ZAP70: variants seen among roughly 807,000 people sequenced by gnomAD.
ZAP70 encodes the protein tyrosine-protein kinase ZAP-70.
Under a neutral mutation model 65.8 loss-of-function variants are expected in ZAP70, and 27 were observed. The ratio of observed to expected loss-of-function variants is 0.41; its 90% confidence interval spans 0.30 to 0.57. The LOEUF (loss-of-function observed/expected upper bound fraction) is 0.57. Among genes scored for constraint, ZAP70 ranks in the 20% least tolerant of loss-of-function variants. The pLI is 0.28. For missense variants in ZAP70, 696 were observed against 870.5 expected (o/e 0.80, Z 2.52); for synonymous variants, 363 against 360.8 (o/e 1.01, Z -0.07).
In ZAP70 at chr2:97,735,287, G is replaced by A. The variant is rs1178844697; in HGVS notation, c.1120G>A (p.Gly374Ser). 6.2e-6 allele frequency: 10 copies of A among 1,614,092 alleles called. No individual in the cohort carries two copies. The highest frequency in any genetic ancestry group is 1.7e-5 in the Admixed American group (1 of 60,038). Residue 374 changes from glycine (G) to serine (S), a missense_variant, in exon 10 of 14, where the codon GGC (glycine) becomes AGC (serine). By Grantham distance (56) the Gly-to-Ser change is moderately conservative. Around this residue, in one of 3 missense-constraint regions of ZAP70, gnomAD observed 551 missense variants for 630.0 expected, o/e 0.87. Transcript: ENST00000264972. ...IDVAIKVLKQ[G>S]TEKADTEEMM... ...CGTGGCCATCAAGGTGCTGAAGCAG[G>A]GCACGGAGAAGGCAGACACGGAAGA...
At chr2:97,723,714 C>A (rs771505854) in intron 2 of ZAP70, among the ~76,000 whole-genome samples, 73 of 152,252 alleles carry the variant, frequency 4.8e-4, no homozygotes, top group African/African-American at 1.7e-3. Flanking sequence ...AATAATTCAG[C>A]ACGTGGTTGG....
intron 4 of ZAP70, 36 bp from the exon 5 acceptor site, chr2:97,732,847 G>T: frequency 6.2e-7 from 1 of 1,612,956 alleles, no homozygotes; most frequent in Non-Finnish European, 8.5e-7. Flanking sequence ...CCCCCAGGTG[G>T]CTCTAGGGGT....
At position 97,735,264 on chromosome 2, in the gene ZAP70, T is replaced by C; in HGVS notation, c.1097T>C (p.Val366Ala). 2 of 1,613,912 alleles carry C rather than the reference T, an allele frequency of 1.2e-6. No homozygotes were observed. Among genetic ancestry groups the C allele is most frequent in the South Asian group, 2.2e-5 (2 of 91,092 alleles). ...VYRMRKKQID[V>A]AIKVLKQGTE... is the part of the protein sequence containing the mutation. The stretch of plus-strand genomic sequence containing the variant: ...GGGTCGGGCAGGAAGCAGATCGACG[T>C]GGCCATCAAGGTGCTGAAGCAGGGC... Residue 366 changes from valine to alanine, a missense_variant, in exon 10 of 14, where the codon GTG (valine) becomes GCG (alanine). Val to Ala is a moderately conservative substitution (Grantham distance 64, BLOSUM62 0). Around this residue, in one of 3 missense-constraint regions of ZAP70, gnomAD observed 551 missense variants for 630.0 expected, o/e 0.87. Coordinates refer to ENST00000264972, the MANE Select transcript of ZAP70 (RefSeq NM_001079.4).
chr2:97,739,435 C>G lies in ZAP70; in HGVS notation c.1797C>G (p.Ser599Arg), dbSNP rs148332283. The change falls in exon 14 of 14, where the codon AGC becomes AGG. Residue 599 changes from serine to arginine, a missense_variant. Ser to Arg is a moderately radical substitution (Grantham distance 110, BLOSUM62 -1). Around this residue, in one of 3 missense-constraint regions of ZAP70, gnomAD observed 78 missense variants for 88.6 expected, o/e 0.88. Coordinates refer to ENST00000264972, the MANE Select transcript of ZAP70 (RefSeq NM_001079.4). The part of the protein sequence containing the change: ...VEQRMRACYY[S>R]LASKVEGPPG... ...AGCGCATGCGAGCCTGTTACTACAG[C>G]CTGGCCAGCAAGGTGGAAGGGCCCC... 18 of 1,613,866 alleles carry G rather than the reference C, an allele frequency of 1.1e-5. No individual in the cohort carries two copies. Among genetic ancestry groups the G allele is most frequent in the Admixed American group, 5.0e-5 (3 of 60,026 alleles).
At chr2:97,721,268 A>C (rs941139255) in intron 2 of ZAP70, among the ~76,000 whole-genome samples, 2 of 152,242 alleles carry the variant, frequency 1.3e-5, no homozygotes, top group African/African-American at 4.8e-5. Flanking sequence ...CTACTTGTTA[A>C]ATTTATCTGA....
chr2:97,724,858 T>G (rs1245710144), intron 3 of ZAP70: 2 of 1,526,116 alleles, frequency 1.3e-6, no homozygotes, highest in African/African-American at 2.7e-5. Flanking sequence ...GAATTAGGTC[T>G]TCAAGCTGGA....
intron 4 of ZAP70, 104 bp downstream of exon 4, chr2:97,725,356 C>T: frequency 7.0e-7 from 1 of 1,426,596 alleles, no homozygotes; most frequent in South Asian, 1.3e-5. Context: ...GTAAGGGTGT[C>T]CCTGTGCTCA....
chr2:97,738,294 G>A, intron 13 of ZAP70, 187 bp downstream of exon 13: 1 of 652,670 alleles, frequency 1.5e-6, no homozygotes, highest in Non-Finnish European at 2.7e-6. Flanking sequence ...TTGCTGTCCT[G>A]CTCCAGTGTG....
chr2:97,723,475 G>A (rs759255377), intron 2 of ZAP70, among the ~76,000 whole-genome samples: 1 of 152,238 alleles, frequency 6.6e-6, no homozygotes, highest in Non-Finnish European at 1.5e-5. Flanking sequence ...CCCTTCAAAT[G>A]CTAGCTCCTT....
At chr2:97,727,194 T>A (rs1444750439) in intron 4 of ZAP70, among the ~76,000 whole-genome samples, 3 of 152,260 alleles carry the variant, frequency 2.0e-5, no homozygotes, top group African/African-American at 7.2e-5. Flanking sequence ...ACAAAGCAAG[T>A]CATACGACCA....
chr2:97,737,490 G>A lies in ZAP70; in HGVS notation c.1307G>A (p.Ser436Asn), dbSNP rs747461254. 3.1e-6 allele frequency: 5 copies of A among 1,613,996 alleles called. No individual in the cohort carries two copies. The African/African-American group carries it at 5.3e-5, about 17-fold the overall frequency. The change falls in exon 11 of 14, where the codon AGC becomes AAC. Residue 436 changes from serine to asparagine, a missense_variant. Around this residue, in one of 3 missense-constraint regions of ZAP70, gnomAD observed 551 missense variants for 630.0 expected, o/e 0.87. Coordinates refer to ENST00000264972, the MANE Select transcript of ZAP70 (RefSeq NM_001079.4). The surrounding 1 kb of genome is among the most constrained non-coding windows in gnomAD (Gnocchi z 5.0). ...CACCCCAGGGAGGAGATCCCTGTGA[G>A]CAATGTGGCCGAGCTGCTGCACCAG... ...LVGKREEIPVSNVAELLHQVS... is the reference protein window; with the variant it reads ...LVGKREEIPVNNVAELLHQVS...
intron 4 of ZAP70, among the ~76,000 whole-genome samples, chr2:97,727,300 TTGTCG>T (rs1677427890): frequency 1.3e-5 from 2 of 152,248 alleles, no homozygotes; most frequent in Admixed American, 1.3e-4. Context: ...ATGAAGCAAG[TTGTCG>T]TGAAGGTATG....
At position 97,733,243 on chromosome 2, in the gene ZAP70, G is replaced by C. The variant is rs546937496; in HGVS notation, c.790+31G>C. The C allele has an allele frequency of 1.6e-5, 26 of 1,609,398 alleles. No homozygotes were observed. The East Asian group carries it at 5.4e-4, about 33-fold the overall frequency. ...GGCAGCAGGCGGGCGGGCGGTGGGCGGGGGCGGCAGGAGACCTGGCCCCCA... is the reference window on the plus strand; with the variant it reads ...GGCAGCAGGCGGGCGGGCGGTGGGCCGGGGCGGCAGGAGACCTGGCCCCCA... On this transcript the variant is annotated intron_variant, in intron 6 of 13. Coordinates refer to ENST00000264972, the MANE Select transcript of ZAP70 (RefSeq NM_001079.4).
intron 2 of ZAP70, among the ~76,000 whole-genome samples, chr2:97,716,593 G>A (rs1178519083): frequency 1.3e-5 from 2 of 152,176 alleles, no homozygotes; most frequent in Non-Finnish European, 2.9e-5. Flanking sequence ...GGTGTTGGAG[G>A]AAGAGTCTCC....
chr2:97,724,088 G>A lies in ZAP70; in HGVS notation c.52G>A (p.Ala18Thr). ...CTTCTTCTACGGCAGCATCTCGCGT[G>A]CCGAGGCCGAGGAGCACCTGAAGCT... ...LPFFYGSISRAEAEEHLKLAG... is the reference protein window; with the variant it reads ...LPFFYGSISRTEAEEHLKLAG... Residue 18 changes from alanine (A) to threonine (T), a missense_variant, in exon 3 of 14, where the codon GCC (alanine) becomes ACC (threonine). By Grantham distance (58) the Ala-to-Thr change is moderately conservative. This residue lies in a region of ZAP70 where 551 missense variants were observed against 630.0 expected (regional missense o/e 0.87). Transcript: ENST00000264972. 6.4e-7 allele frequency: 1 copy of A among 1,560,632 alleles called. No homozygotes were observed. Among genetic ancestry groups the A allele is most frequent in the Non-Finnish European group, 8.6e-7 (1 of 1,156,938 alleles).
At position 97,733,056 on chromosome 2, in the gene ZAP70, C is replaced by T. The variant is rs374368680; in HGVS notation, c.702+35C>T. 20 of 1,613,874 alleles carry T rather than the reference C, an allele frequency of 1.2e-5. No homozygotes were observed. The African/African-American group carries it at 1.9e-4, about 15-fold the overall frequency. On this transcript the variant is annotated intron_variant, in intron 5 of 13. Coordinates refer to ENST00000264972, the MANE Select transcript of ZAP70 (RefSeq NM_001079.4). ...CCGTGCAACTTGTTCTGGGAGATGC[C>T]GTGCTCAGATGGGGTGCCGGGCTCT...
chr2:97,724,987 C>A, intron 3 of ZAP70, 105 bp from the exon 4 acceptor site: 1 of 1,563,754 alleles, frequency 6.4e-7, no homozygotes, highest in South Asian at 1.2e-5. Context: ...GCGCTAGGGA[C>A]GCCTGGGTGG....
chr2:97,729,887 T>C (rs553335691), intron 4 of ZAP70, among the ~76,000 whole-genome samples: 1 of 152,332 alleles, frequency 6.6e-6, no homozygotes, highest in African/African-American at 2.4e-5. Flanking sequence ...TTTTGCTGTG[T>C]AACAATGTGC....
chr2:97,724,576 T>C, intron 3 of ZAP70, 138 bp downstream of exon 3: 1 of 1,534,050 alleles, frequency 6.5e-7, no homozygotes. Flanking sequence ...GGTGGGGCAC[T>C]GGTTGGGGAA....
Sources: allele counts gnomAD v4.1 joint callset (sites outside exome capture counted in the v4.1 genomes callset), GRCh38; gene constraint gnomAD v4.1.1; regional missense constraint gnomAD v4.1.1; non-coding constraint Gnocchi (gnomAD v3.1); transcripts MANE v1.5; gene names NCBI Gene and HGNC (gene_info 2026-07-23, HGNC 2026-07-21).